Variants in COL22A1 observed in about 807,000 individuals in gnomAD.
COL22A1 encodes collagen alpha-1(XXII) chain.
In COL22A1, 221 loss-of-function variants were observed where a neutral mutation model predicts 248.9. The observed-to-expected ratio is 0.89, with a 90% CI of 0.80 to 0.99. The LOEUF is 0.99. Ranked by LOEUF, COL22A1 falls within the 50% of genes least tolerant of loss-of-function variation. The pLI, the probability that COL22A1 is intolerant of heterozygous loss-of-function variation, is 0.00. For missense variants in COL22A1, 2,240 were observed against 2,179.0 expected, an observed-to-expected ratio of 1.03 and a Z score of -0.56; for synonymous variants, 891 against 793.4, an observed-to-expected ratio of 1.12 and a Z score of -2.07.
intron 24 of COL22A1, among the ~76,000 whole-genome samples, chr8:138,724,949 C>T (rs1830185990): frequency 6.6e-6 from 1 of 152,228 alleles, no homozygotes; most frequent in Non-Finnish European, 1.5e-5. Flanking sequence ...GGGCCTGACC[C>T]ACTCCGTAGG....
chr8:138,813,986 T>TA (rs1294725999), intron 7 of COL22A1, among the ~76,000 whole-genome samples: 1 of 152,232 alleles, frequency 6.6e-6, no homozygotes, highest in African/African-American at 2.4e-5. Flanking sequence ...AAACAAGACG[T>TA]AACACGTAAA....
intron 16 of COL22A1, among the ~76,000 whole-genome samples, chr8:138,768,136 C>T (rs578015583): frequency 6.6e-6 from 1 of 152,280 alleles, no homozygotes; most frequent in Admixed American, 6.5e-5. Flanking sequence ...CGATCCATTG[C>T]CTCTCCCATT....
At chr8:138,873,146 C>G (rs1404297543) in intron 3 of COL22A1, among the ~76,000 whole-genome samples, 3 of 152,166 alleles carry the variant, frequency 2.0e-5, no homozygotes, top group African/African-American at 7.2e-5. Context: ...CCCCTGCAAT[C>G]CTGGACAGGC....
At chr8:138,847,146 G>C (rs1468705418) in intron 3 of COL22A1, among the ~76,000 whole-genome samples, 2 of 152,144 alleles carry the variant, frequency 1.3e-5, no homozygotes, top group African/African-American at 4.8e-5. Flanking sequence ...CCAGGGAGTG[G>C]GAGTCTTCAG....
intron 41 of COL22A1, among the ~76,000 whole-genome samples, chr8:138,666,754 C>T (rs955709105): frequency 6.6e-6 from 1 of 152,168 alleles, no homozygotes; most frequent in African/African-American, 2.4e-5. Flanking sequence ...CAAGTTAAAT[C>T]CCAGGATCCA....
intron 4 of COL22A1, among the ~76,000 whole-genome samples, chr8:138,841,527 C>A (rs4736297): frequency 0.49 from 74,288 of 151,934 alleles, 20,493 homozygotes; most frequent in Middle Eastern, 0.73. Context: ...ATACCATCAG[C>A]TAAGGGGAGT....
chr8:138,590,149 C>T (rs1254714993), intron 64 of COL22A1, among the ~76,000 whole-genome samples: 2 of 152,116 alleles, frequency 1.3e-5, no homozygotes, highest in African/African-American at 4.8e-5. Context: ...CCTTTGGCAA[C>T]TCGGAAGGTC....
intron 48 of COL22A1, 107 bp downstream of exon 48, chr8:138,636,635 C>A: frequency 1.2e-6 from 1 of 834,372 alleles, no homozygotes; most frequent in Non-Finnish European, 2.0e-6. Flanking sequence ...AAAAATCCTG[C>A]TACAGGCAAA....
chr8:138,795,413 A>C (rs749805025), intron 12 of COL22A1, among the ~76,000 whole-genome samples: 2 of 152,180 alleles, frequency 1.3e-5, no homozygotes, highest in Non-Finnish European at 2.9e-5. Context: ...GACACAAAGA[A>C]ATGTGAGGGA....
At chr8:138,674,151 G>A (rs913390342) in intron 41 of COL22A1, among the ~76,000 whole-genome samples, 1 of 152,100 alleles carries the variant, frequency 6.6e-6, no homozygotes, top group Non-Finnish European at 1.5e-5. Context: ...CCCCTCCTTA[G>A]GGGCTACATG....
At chr8:138,755,411 T>A in intron 20 of COL22A1, 71 bp downstream of exon 20, 2 of 1,517,198 alleles carry the variant, frequency 1.3e-6, no homozygotes, top group South Asian at 1.1e-5. Context: ...CAGCCTGAGA[T>A]CATGGTTGTG....
chr8:138,809,968 C>T (rs1462588730), intron 9 of COL22A1, among the ~76,000 whole-genome samples: 1 of 152,106 alleles, frequency 6.6e-6, no homozygotes, highest in Admixed American at 6.5e-5. Context: ...CTATCCAGAA[C>T]TTATGATTTT....
intron 23 of COL22A1, among the ~76,000 whole-genome samples, chr8:138,731,391 T>C (rs1169556900): frequency 6.6e-6 from 1 of 151,784 alleles, no homozygotes; most frequent in African/African-American, 2.4e-5. Flanking sequence ...GAGACAAATA[T>C]GAGAGCAGGC....
chr8:138,699,190 C>T (rs553702017), intron 32 of COL22A1, among the ~76,000 whole-genome samples: 1 of 152,244 alleles, frequency 6.6e-6, no homozygotes, highest in African/African-American at 2.4e-5. Flanking sequence ...GTCCATGCTG[C>T]CCTAGGATGC....
chr8:138,904,666 A>G (rs11780422), intron 1 of COL22A1, among the ~76,000 whole-genome samples: 28,241 of 151,884 alleles, frequency 0.19, 2,605 homozygotes, highest in Middle Eastern at 0.22. Flanking sequence ...TTCATTTCAC[A>G]AGAAATTGTC....
At chr8:138,776,737 C>A (rs1050720764) in intron 15 of COL22A1, among the ~76,000 whole-genome samples, 15 of 152,218 alleles carry the variant, frequency 9.9e-5, no homozygotes, top group African/African-American at 3.6e-4. Flanking sequence ...AGAATGTAAG[C>A]CCCACTAGGG....
Position 138,698,713 on chromosome 8 carries a change from T to C in COL22A1, c.2592+1399A>G, listed in dbSNP as rs576011751. Among the ~76,000 whole-genome samples the C allele has an allele frequency of 1.9e-4, 29 of 151,696 alleles. 1 individual carries two copies. Among genetic ancestry groups the C allele is most frequent in the Admixed American group, 1.6e-3 (25 of 15,256 alleles). On this transcript the variant is annotated intron_variant, in intron 32 of 64. Coordinates refer to ENST00000303045, the MANE Select transcript of COL22A1 (RefSeq NM_152888.3). ...GGTGAGAGAGGTGCTGTGTCCCTCA[T>C]GCAGTGAGTACCTGCCATGCAGGTG...
At chr8:138,628,760 C>CTTTTT (rs56318714) in intron 50 of COL22A1, among the ~76,000 whole-genome samples, 12 of 124,292 alleles carry the variant, frequency 9.7e-5, no homozygotes, top group African/African-American at 4.3e-4. Context: ...AGATCCACAT[C>CTTTTT]TTTTTTTTTT....
At chr8:138,806,643 G>C (rs1419823530) in intron 10 of COL22A1, among the ~76,000 whole-genome samples, 3 of 152,092 alleles carry the variant, frequency 2.0e-5, no homozygotes, top group African/African-American at 7.2e-5. Flanking sequence ...TGTCACGCAG[G>C]GTTGATTTAG....
Sources: gnomAD v4.1 joint callset for allele counts (sites outside exome capture counted in the v4.1 genomes callset) on GRCh38, gnomAD v4.1.1 for gene constraint, MANE v1.5 for transcripts, NCBI Gene and HGNC (gene_info 2026-07-23, HGNC 2026-07-21) for gene names.